The following NFASC variants were observed in gnomAD, a reference collection of about 807,000 sequenced individuals.
NFASC encodes neurofascin, also known as neurofascin homolog.
NFASC carries 43 observed loss-of-function variants against 147.5 expected under a neutral mutation model. That is an observed-to-expected ratio of 0.29 (90% CI 0.23 to 0.38). NFASC has a LOEUF of 0.38. Ranked by LOEUF, NFASC falls within the 10% of genes least tolerant of loss-of-function variation. The pLI is 1.00. For missense variants in NFASC, 1,320 were observed against 1,689.0 expected (o/e 0.78, Z 3.83); for synonymous variants, 622 against 665.5 (o/e 0.93, Z 1.01).
chr1:204,965,719 T>G lies in NFASC; in HGVS notation c.707-2530T>G, dbSNP rs959981294. Among the ~76,000 whole-genome samples the G allele has an allele frequency of 4.6e-5, 7 of 152,372 alleles. No individual in the cohort carries two copies. In the East Asian group the frequency reaches 1.3e-3, roughly 29 times the overall value. ...AAATATCTTTCTCCTTTACCTCTTT[T>G]GCCCTTGCATTTTCTTTGGTTTGAA... On this transcript the variant is annotated intron_variant, in intron 8 of 29. Coordinates refer to ENST00000339876, the MANE Select transcript of NFASC (RefSeq NM_001005388.3).
At chr1:204,918,065 T>C (rs1351322392) in intron 1 of NFASC, among the ~76,000 whole-genome samples, 1 of 152,194 alleles carries the variant, frequency 6.6e-6, no homozygotes, top group African/African-American at 2.4e-5. Flanking sequence ...AATCTTACTT[T>C]TGTGTCTCCT....
rs774817470 is a variant in NFASC, at chr1:204,991,158, C to T, written c.2768-134C>T. 3.4e-5 allele frequency: 35 copies of T among 1,031,206 alleles called. 1 individual carries two copies. The highest frequency in any genetic ancestry group is 4.7e-5 in the Non-Finnish European group (32 of 684,928). 63.9% of individuals were successfully genotyped at this position (1,031,206 alleles called of 1,614,324 possible). On this transcript the variant is annotated intron_variant, in intron 23 of 29. Coordinates refer to ENST00000339876, the MANE Select transcript of NFASC (RefSeq NM_001005388.3). ...CAGGCCAGCAGCCAGCACCTGGCCACGCCGTCTGCATAAGGTTTGGGCTGG... is the reference window on the plus strand; with the variant it reads ...CAGGCCAGCAGCCAGCACCTGGCCATGCCGTCTGCATAAGGTTTGGGCTGG...
chr1:205,001,169 G>GC lies in NFASC; in HGVS notation c.3023dup (p.Asp1009Ter). The GC allele has an allele frequency of 6.3e-7, 1 of 1,591,326 alleles. No homozygotes were observed. The highest frequency in any genetic ancestry group is 8.6e-7 in the Non-Finnish European group (1 of 1,163,442). Reference sequence around the variant, plus strand: ...AACCCCTTTTCTAACCCGTCCACCAGCCCCTGATGAGCAGTCCATATGGAA... The same window carrying GC: ...AACCCCTTTTCTAACCCGTCCACCAGCCCCCTGATGAGCAGTCCATATGGAA... On this transcript the variant is annotated frameshift_variant and splice_region_variant. Transcript: ENST00000339876. LOFTEE classifies it high-confidence loss of function.
chr1:204,990,213 G>A (rs2095695362), intron 23 of NFASC: 1 of 152,232 alleles, frequency 6.6e-6, no homozygotes, highest in Non-Finnish European at 1.5e-5. Flanking sequence ...CCCTCCTGCT[G>A]TGCTCTTCTG....
chr1:204,870,289 C>T (rs1380403924), intron 1 of NFASC, among the ~76,000 whole-genome samples: 1 of 152,182 alleles, frequency 6.6e-6, no homozygotes, highest in African/African-American at 2.4e-5. Context: ...GGCTCTCGAG[C>T]AGAAGTGGAC....
intron 1 of NFASC, among the ~76,000 whole-genome samples, chr1:204,840,656 C>G (rs1675075740): frequency 6.6e-6 from 1 of 152,180 alleles, no homozygotes; most frequent in Admixed American, 6.5e-5. Flanking sequence ...GGCCACCACT[C>G]CTGTAGATCC....
intron 8 of NFASC, among the ~76,000 whole-genome samples, chr1:204,963,784 A>T (rs1456550787): frequency 6.6e-6 from 1 of 152,252 alleles, no homozygotes; most frequent in Non-Finnish European, 1.5e-5. Context: ...TTCTAGCAAG[A>T]AATCAAAGGG....
At chr1:205,001,773 T>C (rs997395552) in intron 26 of NFASC, among the ~76,000 whole-genome samples, 2 of 152,088 alleles carry the variant, frequency 1.3e-5, no homozygotes, top group Non-Finnish European at 2.9e-5. Context: ...TTGAGCTGAG[T>C]TGCTCACCCT....
At chr1:204,930,789 C>T (rs34098402) in intron 2 of NFASC, among the ~76,000 whole-genome samples, 8,135 of 152,278 alleles carry the variant, frequency 0.053, 324 homozygotes, top group South Asian at 0.17. Context: ...GCATTTCTGG[C>T]GTCAGCAAAG....
In NFASC at chr1:204,981,949, G is replaced by A. The variant is rs778145558; in HGVS notation, c.2399G>A (p.Arg800Gln). The A allele has an allele frequency of 1.1e-5, 17 of 1,608,004 alleles. No homozygotes were observed. Among genetic ancestry groups the A allele is most frequent in the Non-Finnish European group, 1.3e-5 (15 of 1,177,308 alleles). The change falls in exon 21 of 30, where the codon CGA becomes CAA. Residue 800 changes from arginine (R) to glutamine (Q), a missense_variant. By Grantham distance (43) the Arg-to-Gln change is conservative (BLOSUM62 1). Around this residue, in one of 3 missense-constraint regions of NFASC, gnomAD observed 981 missense variants for 1,289.5 expected, o/e 0.76. Transcript: ENST00000339876. Reference sequence around the variant, plus strand: ...CCAGTCTACGTGCCCTATGAGATCCGAGTCCAGGCTGAAAATGACTTCGGG... The same window carrying A: ...CCAGTCTACGTGCCCTATGAGATCCAAGTCCAGGCTGAAAATGACTTCGGG... The part of the protein sequence containing the change: ...QTPVYVPYEI[R>Q]VQAENDFGKG...
rs994236578 is a variant in NFASC, at chr1:205,017,260, G to C, written c.*721G>C. 6.3e-6 allele frequency: 1 copy of C among 159,556 alleles called. No individual in the cohort carries two copies. Among genetic ancestry groups the C allele is most frequent in the Non-Finnish European group, 1.4e-5 (1 of 71,876 alleles). The allele number at this position is 159,556 out of a possible 1,614,324, so 9.9% of individuals were successfully genotyped here. The stretch of plus-strand genomic sequence containing the variant: ...GGCCTCCTTGCTGCTCTCTGGTTTG[G>C]TTGGGAGGTGTGTTTACCTCTTGCT... On this transcript the variant is annotated 3_prime_UTR_variant, in exon 30 of 30. Coordinates refer to ENST00000339876, the MANE Select transcript of NFASC (RefSeq NM_001005388.3).
At chr1:205,000,380 A>T (rs2095950257) in intron 25 of NFASC, 2 of 152,272 alleles carry the variant, frequency 1.3e-5, no homozygotes. Flanking sequence ...GGCTCCTTAG[A>T]CCAGCCTCAC....
intron 27 of NFASC, among the ~76,000 whole-genome samples, chr1:205,008,050 C>A (rs1355093303): frequency 6.6e-6 from 1 of 152,108 alleles, no homozygotes; most frequent in Non-Finnish European, 1.5e-5. Context: ...CTTTTCAGCC[C>A]GGGGCGCCCT....
intron 2 of NFASC, among the ~76,000 whole-genome samples, chr1:204,941,527 TG>T (rs1356791100): frequency 6.6e-6 from 1 of 152,142 alleles, no homozygotes; most frequent in Non-Finnish European, 1.5e-5. Flanking sequence ...AAACCAAACA[TG>T]GTGGTCGTGG....
rs116756754 is a variant in NFASC at position 204,878,540 on chromosome 1, C to T, written c.-199-42092C>T. ...AAGAAAACCCCTTGGGCTTTCTTGC[C>T]CTAGTTCTGGTAAAATATGGAATTA... On this transcript the variant is annotated intron_variant, in intron 1 of 29. Transcript: ENST00000339876. Among the ~76,000 whole-genome samples, 1,125 of 152,260 alleles carry T rather than the reference C, an allele frequency of 7.4e-3. 15 individuals are homozygous for T. The highest frequency in any genetic ancestry group is 0.025 in the African/African-American group (1,059 of 41,546).
chr1:204,842,811 A>G (rs1675748216), intron 1 of NFASC, among the ~76,000 whole-genome samples: 1 of 152,238 alleles, frequency 6.6e-6, no homozygotes, highest in African/African-American at 2.4e-5. Context: ...GGGCCCGCAG[A>G]TTCCTGCCTC....
chr1:204,982,157 C>G lies in NFASC; in HGVS notation c.2470+137C>G, dbSNP rs529853381. ...AGGAAGGAAAAATGTTCTGTAGTGA[C>G]CTAGAGCAGACAGGCACCCAGTAAT... is the stretch of plus-strand genomic sequence containing the variant. On this transcript the variant is annotated intron_variant, in intron 21 of 29. Coordinates refer to ENST00000339876, the MANE Select transcript of NFASC (RefSeq NM_001005388.3). The G allele has an allele frequency of 2.5e-5, 13 of 529,818 alleles. No individual in the cohort carries two copies. The East Asian group carries it at 4.4e-4, about 18-fold the overall frequency. The allele number at this position is 529,818 out of a possible 1,614,324, so 32.8% of individuals were successfully genotyped here.
Position 204,968,210 on chromosome 1 carries a change from G to A in NFASC, c.707-39G>A. ...GTTGGCCTAGTGGGGTCTGCCTTCT[G>A]GAAGGAGGCTCATGGGAGTTTGTTC... is the stretch of plus-strand genomic sequence containing the variant. On this transcript the variant is annotated intron_variant, in intron 8 of 29. Transcript: ENST00000339876. The surrounding 1 kb of genome is among the most constrained non-coding windows in gnomAD (Gnocchi z 5.4). The A allele has an allele frequency of 6.7e-7, 1 of 1,497,268 alleles. No individual in the cohort carries two copies. The highest frequency in any genetic ancestry group is 9.3e-7 in the Non-Finnish European group (1 of 1,073,778). The allele number at this position is 1,497,268 out of a possible 1,614,324, so 92.7% of individuals were successfully genotyped here.
chr1:204,993,442 CAGAA>C (rs1478445970), intron 24 of NFASC, among the ~76,000 whole-genome samples: 1 of 152,208 alleles, frequency 6.6e-6, no homozygotes, highest in East Asian at 1.9e-4. Flanking sequence ...GGTTCTGGGA[CAGAA>C]AGATGAATGA....
Sources: allele counts gnomAD v4.1 joint callset (sites outside exome capture counted in the v4.1 genomes callset), GRCh38; gene constraint gnomAD v4.1.1; regional missense constraint gnomAD v4.1.1; non-coding constraint Gnocchi (gnomAD v3.1); transcripts MANE v1.5; gene names NCBI Gene and HGNC (gene_info 2026-07-23, HGNC 2026-07-21).